Variants in MNAT1 observed in about 807,000 individuals in gnomAD.
The protein encoded by MNAT1 is CDK-activating kinase assembly factor MAT1.
In MNAT1, 43 loss-of-function variants were observed where a neutral mutation model predicts 42.0. That is an observed-to-expected ratio of 1.02 (90% CI 0.80 to 1.32). MNAT1 has a LOEUF of 1.32. MNAT1 is among the 40% of genes most tolerant of loss of function. The pLI, the probability that MNAT1 is intolerant of heterozygous loss-of-function variation, is 0.00. For missense variants in MNAT1, 306 were observed against 350.4 expected (o/e 0.87, Z 1.01); for synonymous variants, 118 against 120.0 (o/e 0.98, Z 0.11).
chr14:60,815,052 T>A (rs1233405913), intron 5 of MNAT1, among the ~76,000 whole-genome samples: 1 of 152,162 alleles, frequency 6.6e-6, no homozygotes, highest in Non-Finnish European at 1.5e-5. Context: ...CAGGCTCTTT[T>A]TTGGATAATG....
At chr14:60,762,839 C>T (rs1198178334) in intron 1 of MNAT1, among the ~76,000 whole-genome samples, 1 of 151,460 alleles carries the variant, frequency 6.6e-6, no homozygotes, top group Non-Finnish European at 1.5e-5. Context: ...GTGACTACCA[C>T]TTGGCCGGAA....
At chr14:60,937,939 C>A (rs2139581922) in intron 7 of MNAT1, among the ~76,000 whole-genome samples, 1 of 152,228 alleles carries the variant, frequency 6.6e-6, no homozygotes, top group South Asian at 2.1e-4. Context: ...TTGAAGAGGT[C>A]CTTCACATCC....
chr14:60,746,915 TATATATATACACACACAC>T (rs1896640993), intron 1 of MNAT1, among the ~76,000 whole-genome samples: 1 of 27,102 alleles, frequency 3.7e-5, no homozygotes, highest in Admixed American at 4.5e-4. Flanking sequence ...TATATATATA[TATATATATACACACACAC>T]ACACACACAC....
intron 7 of MNAT1, among the ~76,000 whole-genome samples, chr14:60,931,303 CTT>C (rs1395822543): frequency 2.6e-5 from 4 of 152,128 alleles, no homozygotes; most frequent in Non-Finnish European, 4.4e-5. Flanking sequence ...AGACACAAGT[CTT>C]TGTGTGAGAG....
At chr14:60,801,139 A>G (rs749057329) in intron 3 of MNAT1, among the ~76,000 whole-genome samples, 1 of 152,106 alleles carries the variant, frequency 6.6e-6, no homozygotes, top group Non-Finnish European at 1.5e-5. Context: ...AAAGAAGAAG[A>G]AGAGTTAACC....
intron 7 of MNAT1, among the ~76,000 whole-genome samples, chr14:60,962,343 A>T (rs558371162): frequency 2.0e-5 from 3 of 152,266 alleles, no homozygotes; most frequent in African/African-American, 7.2e-5. Context: ...TCTGTTTTTC[A>T]TGGCTCTATC....
chr14:60,944,034 A>G (rs1331274408), intron 7 of MNAT1, among the ~76,000 whole-genome samples: 1 of 152,228 alleles, frequency 6.6e-6, no homozygotes, highest in African/African-American at 2.4e-5. Context: ...CAAGGGTATT[A>G]AAATGCTTAT....
intron 1 of MNAT1, among the ~76,000 whole-genome samples, chr14:60,776,983 G>T (rs999607997): frequency 2.0e-5 from 3 of 152,038 alleles, no homozygotes; most frequent in African/African-American, 7.2e-5. Flanking sequence ...GAGTAGCTGG[G>T]ATTACAGGTG....
chr14:60,817,785 T>C (rs4151225), intron 5 of MNAT1, among the ~76,000 whole-genome samples: 6,453 of 152,112 alleles, frequency 0.042, 174 homozygotes, highest in Non-Finnish European at 0.065. Flanking sequence ...CTTTGAACAA[T>C]ATGTTTTAGC....
chr14:60,860,357 T>TTC (rs1353072863), intron 6 of MNAT1, among the ~76,000 whole-genome samples: 7 of 145,998 alleles, frequency 4.8e-5, no homozygotes, highest in East Asian at 2.0e-4. Flanking sequence ...TTCTTTTCTT[T>TTC]TTTTTTTTTT....
At chr14:60,769,321 A>ATACC (rs4151169) in intron 1 of MNAT1, among the ~76,000 whole-genome samples, 36,845 of 152,048 alleles carry the variant, frequency 0.24, 4,862 homozygotes, top group Middle Eastern at 0.34. Flanking sequence ...TACCCAGGGT[A>ATACC]GAGTGCAGTG....
At chr14:60,801,308 A>C (rs939558877) in intron 3 of MNAT1, among the ~76,000 whole-genome samples, 2 of 152,164 alleles carry the variant, frequency 1.3e-5, no homozygotes, top group African/African-American at 4.8e-5. Context: ...TGGATTAAGG[A>C]GGCCTTAGTA....
At chr14:60,785,253 A>G (rs547188437) in intron 1 of MNAT1, among the ~76,000 whole-genome samples, 2 of 152,304 alleles carry the variant, frequency 1.3e-5, no homozygotes, top group South Asian at 4.1e-4. Context: ...TTGATTTTTT[A>G]AAAGGTTTCC....
chr14:60,941,832 G>A (rs1461290772), intron 7 of MNAT1, among the ~76,000 whole-genome samples: 2 of 150,878 alleles, frequency 1.3e-5, no homozygotes, highest in East Asian at 1.9e-4. Flanking sequence ...GTGAAACCCC[G>A]TCTCTACTAA....
chr14:60,836,590 C>T (rs114383977), intron 6 of MNAT1, among the ~76,000 whole-genome samples: 3,979 of 152,256 alleles, frequency 0.026, 187 homozygotes, highest in African/African-American at 0.091. Flanking sequence ...CAAAGATTGC[C>T]GGCTCTTCCT....
At position 60,798,354 on chromosome 14, in the gene MNAT1, A is replaced by T. The variant is rs554350403; in HGVS notation, c.316+194A>T. The stretch of plus-strand genomic sequence containing the variant: ...CATACTTAAGTAAAGAACCTATTTA[A>T]TATTGTCTTTTAGGAAAAATATGTT... On this transcript the variant is annotated intron_variant, in intron 3 of 7. Coordinates refer to ENST00000261245, the MANE Select transcript of MNAT1 (RefSeq NM_002431.4). Among the ~76,000 whole-genome samples the T allele has an allele frequency of 8.5e-5, 13 of 152,328 alleles. No homozygotes were observed. The East Asian group carries it at 2.3e-3, about 27-fold the overall frequency.
At chr14:60,947,767 C>T (rs763053522) in intron 7 of MNAT1, among the ~76,000 whole-genome samples, 23 of 152,194 alleles carry the variant, frequency 1.5e-4, no homozygotes, top group Non-Finnish European at 3.2e-4. Flanking sequence ...ATCCTGGACA[C>T]TTCTGTCATT....
At chr14:60,856,656 C>A (rs1407679916) in intron 6 of MNAT1, among the ~76,000 whole-genome samples, 1 of 149,706 alleles carries the variant, frequency 6.7e-6, no homozygotes, top group African/African-American at 2.5e-5. Flanking sequence ...CAGCTGGTGA[C>A]TTTAAGTTGA....
intron 1 of MNAT1, among the ~76,000 whole-genome samples, chr14:60,764,767 T>A (rs1206875887): frequency 3.3e-5 from 5 of 152,108 alleles, no homozygotes; most frequent in African/African-American, 1.2e-4. Flanking sequence ...AATAAATAAA[T>A]TAGCAAATGG....
Sources: allele counts gnomAD v4.1 joint callset (sites outside exome capture counted in the v4.1 genomes callset), GRCh38; gene constraint gnomAD v4.1.1; transcripts MANE v1.5; gene names NCBI Gene and HGNC (gene_info 2026-07-23, HGNC 2026-07-21).